The following RUNDC3B variants were observed in gnomAD, a reference collection of about 807,000 sequenced individuals.
The protein encoded by RUNDC3B is RUN domain-containing protein 3B.
RUNDC3B carries 33 observed loss-of-function variants against 58.4 expected under a neutral mutation model. That is an observed-to-expected ratio of 0.56 (90% CI 0.43 to 0.75). The LOEUF (loss-of-function observed/expected upper bound fraction) is 0.75, where lower values mean the gene tolerates loss of function less well. Ranked by LOEUF, RUNDC3B falls within the 30% of genes least tolerant of loss-of-function variation. RUNDC3B has a pLI of 0.00. For synonymous variants in RUNDC3B, 193 were observed against 195.2 expected, an observed-to-expected ratio of 0.99 and a Z score of 0.10; for missense variants, 501 against 535.7, an observed-to-expected ratio of 0.94 and a Z score of 0.64.
chr7:87,823,789 T>TACACAC (rs879843162), intron 10 of RUNDC3B, among the ~76,000 whole-genome samples: 6 of 147,772 alleles, frequency 4.1e-5, no homozygotes, highest in African/African-American at 7.5e-5. Flanking sequence ...ATTTCATATA[T>TACACAC]ATACACACAC....
Position 87,741,579 on chromosome 7 carries a change from G to T in RUNDC3B, c.629G>T (p.Ser210Ile), listed in dbSNP as rs1283028298. The T allele has an allele frequency of 6.6e-7, 1 of 1,516,448 alleles. No homozygotes were observed. 93.9% of individuals were successfully genotyped at this position (1,516,448 alleles called of 1,614,324 possible). A position where few individuals can be genotyped will look rare whatever the true frequency, so the allele number is the denominator to read the frequency against. ...DYTPYLKYIQ[S>I]SDSISSDEEE... ...ACACCATATTTGAAGTATATCCAAA[G>T]GTATGTGACATTTTGAGATATGTTT... The change falls in exon 6 of 11, where the codon AGT (serine) becomes ATT (isoleucine). Residue 210 changes from serine (S) to isoleucine (I), a missense_variant and splice_region_variant. Transcript: ENST00000394654.
intron 1 of RUNDC3B, among the ~76,000 whole-genome samples, chr7:87,631,318 T>C (rs1821194048): frequency 6.6e-6 from 1 of 152,222 alleles, no homozygotes; most frequent in Non-Finnish European, 1.5e-5. Flanking sequence ...ATGCATTTAT[T>C]GCTAGTTTAC....
intron 1 of RUNDC3B, among the ~76,000 whole-genome samples, chr7:87,639,484 T>C (rs1388578389): frequency 6.6e-6 from 1 of 152,194 alleles, no homozygotes; most frequent in Non-Finnish European, 1.5e-5. Context: ...TTGAGAGAGA[T>C]GTGTTAAAGT....
At chr7:87,817,431 G>T (rs1837111679) in intron 10 of RUNDC3B, among the ~76,000 whole-genome samples, 1 of 152,152 alleles carries the variant, frequency 6.6e-6, no homozygotes, top group Non-Finnish European at 1.5e-5. Flanking sequence ...AATCCAAACT[G>T]CTTTTCCTAG....
intron 8 of RUNDC3B, among the ~76,000 whole-genome samples, chr7:87,796,476 CAT>C (rs1360524004): frequency 6.6e-6 from 1 of 151,996 alleles, no homozygotes; most frequent in African/African-American, 2.4e-5. Context: ...TTGCTGGTAA[CAT>C]AAAGGATAAA....
intron 1 of RUNDC3B, 73 bp downstream of exon 1, chr7:87,629,018 T>G (rs1054279409): frequency 1.1e-5 from 14 of 1,256,586 alleles, no homozygotes; most frequent in Middle Eastern, 4.7e-4. Flanking sequence ...CGCGGGTCCT[T>G]GGGGGTCCCG....
In RUNDC3B at chr7:87,819,724, C is replaced by T. The variant is rs370503099; in HGVS notation, c.1225+3462C>T. Among the ~76,000 whole-genome samples, 3 of 151,946 alleles carry T rather than the reference C, an allele frequency of 2.0e-5. No individual in the cohort carries two copies. In the East Asian group the frequency reaches 5.8e-4, roughly 29 times the overall value. On this transcript the variant is annotated intron_variant, in intron 10 of 10. Coordinates refer to ENST00000394654, the MANE Select transcript of RUNDC3B (RefSeq NM_001134405.2). ...AGTGCAATCAAACTAGAACTCAGGA[C>T]TAAGAAACTCACTCAAAACCGCTCA...
intron 10 of RUNDC3B, among the ~76,000 whole-genome samples, chr7:87,826,744 A>T (rs988444547): frequency 6.6e-6 from 1 of 152,158 alleles, no homozygotes; most frequent in Non-Finnish European, 1.5e-5. Flanking sequence ...AAATTGAAAG[A>T]TCTAACCAAG....
chr7:87,634,099 C>A (rs956320199), intron 1 of RUNDC3B, among the ~76,000 whole-genome samples: 5 of 152,150 alleles, frequency 3.3e-5, no homozygotes, highest in Admixed American at 3.3e-4. Context: ...CTTCTAGGAA[C>A]TGATCCATTC....
chr7:87,721,864 G>A (rs777904016), intron 4 of RUNDC3B, among the ~76,000 whole-genome samples: 1 of 151,300 alleles, frequency 6.6e-6, no homozygotes, highest in Non-Finnish European at 1.5e-5. Context: ...AATATTTTCT[G>A]TGTATTTCAT....
intron 3 of RUNDC3B, among the ~76,000 whole-genome samples, chr7:87,707,099 TCTGA>T (rs1327160854): frequency 6.6e-6 from 1 of 152,162 alleles, no homozygotes; most frequent in Non-Finnish European, 1.5e-5. Flanking sequence ...TTTCTAGTAC[TCTGA>T]CTGACTGCCA....
intron 1 of RUNDC3B, among the ~76,000 whole-genome samples, chr7:87,640,492 C>T (rs1246537646): frequency 6.6e-6 from 1 of 151,956 alleles, no homozygotes; most frequent in East Asian, 1.9e-4. Flanking sequence ...TGCAGACATG[C>T]ACCACCACAC....
chr7:87,781,659 T>G (rs1834931188), intron 8 of RUNDC3B, among the ~76,000 whole-genome samples: 1 of 152,130 alleles, frequency 6.6e-6, no homozygotes, highest in South Asian at 2.1e-4. Context: ...ATACATTCCC[T>G]CAAAACCTAG....
At chr7:87,803,979 A>C (rs890760573) in intron 8 of RUNDC3B, among the ~76,000 whole-genome samples, 2 of 152,154 alleles carry the variant, frequency 1.3e-5, no homozygotes, top group African/African-American at 4.8e-5. Flanking sequence ...TTTACAGTGA[A>C]TAAATATGAA....
intron 7 of RUNDC3B, among the ~76,000 whole-genome samples, chr7:87,771,055 G>A (rs1246181505): frequency 6.6e-6 from 1 of 152,156 alleles, no homozygotes; most frequent in African/African-American, 2.4e-5. Context: ...TTGTGAAAAT[G>A]CAGTGATTGC....
At chr7:87,753,488 G>T (rs187913935) in intron 6 of RUNDC3B, among the ~76,000 whole-genome samples, 1 of 152,050 alleles carries the variant, frequency 6.6e-6, no homozygotes, top group African/African-American at 2.4e-5. Context: ...AAAATCTCCC[G>T]TTATTAATGT....
At chr7:87,735,870 G>C (rs1386520120) in intron 4 of RUNDC3B, among the ~76,000 whole-genome samples, 1 of 151,922 alleles carries the variant, frequency 6.6e-6, no homozygotes, top group Non-Finnish European at 1.5e-5. Flanking sequence ...TATTCCCCTA[G>C]ACTATATGCT....
chr7:87,721,317 T>C (rs1165178693), intron 4 of RUNDC3B, among the ~76,000 whole-genome samples: 1 of 152,044 alleles, frequency 6.6e-6, no homozygotes, highest in East Asian at 1.9e-4. Context: ...GATGGGAACA[T>C]AGTGAAAATA....
intron 2 of RUNDC3B, among the ~76,000 whole-genome samples, chr7:87,673,053 T>C (rs1825991103): frequency 1.3e-5 from 2 of 152,174 alleles, no homozygotes; most frequent in South Asian, 4.1e-4. Flanking sequence ...CCCAAACTCT[T>C]CTGGTTTGTA....
Sources: allele counts gnomAD v4.1 joint callset (sites outside exome capture counted in the v4.1 genomes callset), GRCh38; gene constraint gnomAD v4.1.1; transcripts MANE v1.5; gene names NCBI Gene and HGNC (gene_info 2026-07-23, HGNC 2026-07-21).